The following ELMO3 variants were observed in gnomAD, a reference collection of about 807,000 sequenced individuals.
ELMO3 encodes engulfment and cell motility 3.
Under a neutral mutation model 89.0 loss-of-function variants are expected in ELMO3, and 81 were observed. That is an observed-to-expected ratio of 0.91 (90% CI 0.76 to 1.09). The LOEUF (loss-of-function observed/expected upper bound fraction) is 1.09, where lower values mean the gene tolerates loss of function less well. Among genes scored for constraint, ELMO3 ranks in the 50% least tolerant of loss-of-function variants. The pLI is 0.00. For synonymous variants in ELMO3, 406 were observed against 400.6 expected (o/e 1.01, Z -0.16); for missense variants, 959 against 972.8 (o/e 0.99, Z 0.19).
In ELMO3 at chr16:67,203,829, C is replaced by A; in HGVS notation, c.2115C>A (p.Pro705=). The A allele has an allele frequency of 6.2e-7, 1 of 1,604,954 alleles. No individual in the cohort carries two copies. The highest frequency in any genetic ancestry group is 1.1e-5 in the South Asian group (1 of 90,296). Reference sequence around the variant, plus strand: ...AGCGGCCACCCCCTGTGCCCCCACCCCCCACCAACTTCAACTTCTGCTATG... The same window carrying A: ...AGCGGCCACCCCCTGTGCCCCCACCACCCACCAACTTCAACTTCTGCTATG... ...IPERPPPVPP[P]PTNFNFCYDC... is the part of the protein sequence containing the mutation. The change falls in exon 20 of 20, where the codon CCC becomes CCA. Residue 705 remains proline (P), a synonymous_variant. Transcript: ENST00000393997. The surrounding 1 kb of genome is among the most constrained non-coding windows in gnomAD (Gnocchi z 4.6).
At position 67,199,155 on chromosome 16, in the gene ELMO3, A is replaced by T; in HGVS notation, c.-172A>T. ...CGGAACTAACCTCGGCTCCCTTGGG[A>T]AGGCCGCGTTGCATGGCCAGGAGCA... On this transcript the variant is annotated 5_prime_UTR_variant, in exon 1 of 20. Transcript: ENST00000393997. 6.2e-7 allele frequency: 1 copy of T among 1,606,080 alleles called. No homozygotes were observed. The highest frequency in any genetic ancestry group is 8.5e-7 in the Non-Finnish European group (1 of 1,178,576).
In ELMO3 at chr16:67,203,349, A is replaced by G. The variant is rs773931819; in HGVS notation, c.1803A>G (p.Ala601=). The change falls in exon 18 of 20, where the codon GCA becomes GCG. Residue 601 remains alanine (A), a synonymous_variant. Coordinates refer to ENST00000393997, the MANE Select transcript of ELMO3 (RefSeq NM_024712.5). The surrounding 1 kb of genome is among the most constrained non-coding windows in gnomAD (Gnocchi z 4.6). The stretch of plus-strand genomic sequence containing the variant: ...CAGTCCCTGTGGCCGACATGAGGGC[A>G]CTCCTGACAGGCAAGGACTGCCCCC... The part of the protein sequence containing the change: ...PEQLPVADMR[A]LLTGKDCPHV... 2.7e-5 allele frequency: 44 copies of G among 1,604,336 alleles called. No homozygotes were observed. The highest frequency in any genetic ancestry group is 2.2e-5 in the East Asian group (1 of 44,598).
rs745882640 is a variant in ELMO3 at position 67,199,761 on chromosome 16, G to C, written c.192+5G>C. The C allele has an allele frequency of 1.2e-6, 2 of 1,610,604 alleles. No homozygotes were observed. Among genetic ancestry groups the C allele is most frequent in the Admixed American group, 1.7e-5 (1 of 59,786 alleles). ...CGGAGATACATCACCGAGAATGTGA[G>C]TCCCCTCTCCCCAGCCCCAAGCTCG... On this transcript the variant is annotated splice_donor_5th_base_variant and intron_variant, in intron 3 of 19. Transcript: ENST00000393997.
chr16:67,199,193 G>A lies in ELMO3; in HGVS notation c.-134G>A, dbSNP rs1200827507. The A allele has an allele frequency of 5.6e-6, 9 of 1,610,880 alleles. No homozygotes were observed. The highest frequency in any genetic ancestry group is 6.8e-6 in the Non-Finnish European group (8 of 1,179,562). On this transcript the variant is annotated 5_prime_UTR_variant, in exon 1 of 20. Transcript: ENST00000393997. ...ATGGCCAGGAGCAGCAGTCTGGGCC[G>A]CGAGTGCGGGACACCGAGGTCAGGT...
At chr16:67,200,382 G>C (rs772442840) in intron 5 of ELMO3, 21 bp downstream of exon 5, 3 of 1,612,604 alleles carry the variant, frequency 1.9e-6, no homozygotes, top group Non-Finnish European at 2.5e-6. Flanking sequence ...GGATGTGTGG[G>C]CTGGGGGAGA....
At position 67,200,733 on chromosome 16, in the gene ELMO3, C is replaced by T; in HGVS notation, c.590C>T (p.Thr197Ile). The T allele has an allele frequency of 1.2e-6, 2 of 1,613,596 alleles. No individual in the cohort carries two copies. The highest frequency in any genetic ancestry group is 1.7e-6 in the Non-Finnish European group (2 of 1,179,980). ...PLALGLLESVTLSSPALGQLV... is the reference protein window; with the variant it reads ...PLALGLLESVILSSPALGQLV... ...GCCCTTGGGCTGCTGGAGAGTGTGA[C>T]CTTGAGCAGCCCAGCCCTGGGCCAG... The change falls in exon 7 of 20, where the codon ACC becomes ATC. Residue 197 changes from threonine (T) to isoleucine (I), a missense_variant. By Grantham distance (89) the Thr-to-Ile change is moderately conservative. Coordinates refer to ENST00000393997, the MANE Select transcript of ELMO3 (RefSeq NM_024712.5).
Position 67,199,386 on chromosome 16 carries a change from G to C in ELMO3, c.60G>C (p.Gln20His), listed in dbSNP as rs779302894. 5 of 1,607,144 alleles carry C rather than the reference G, an allele frequency of 3.1e-6. No individual in the cohort carries two copies. Among genetic ancestry groups the C allele is most frequent in the East Asian group, 2.2e-5 (1 of 44,846 alleles). Reference protein sequence around the residue: ...IAIKMRDAIPQLIQLDQAKPL... With the variant: ...IAIKMRDAIPHLIQLDQAKPL... ...TCAAGATGCGTGACGCCATCCCGCA[G>C]CTCATCCAGCTGGACCAGGTCACCC... The change falls in exon 1 of 20, where the codon CAG becomes CAC. Residue 20 changes from glutamine (Q) to histidine (H), a missense_variant. By Grantham distance (24) the Gln-to-His change is conservative (BLOSUM62 0). Transcript: ENST00000393997.
rs1275148809 is a variant in ELMO3, at chr16:67,203,059, G to A, written c.1675+55G>A. 6.3e-7 allele frequency: 1 copy of A among 1,597,222 alleles called. No individual in the cohort carries two copies. The highest frequency in any genetic ancestry group is 8.5e-7 in the Non-Finnish European group (1 of 1,174,250). On this transcript the variant is annotated intron_variant, in intron 16 of 19. Transcript: ENST00000393997. The surrounding 1 kb of genome is among the most constrained non-coding windows in gnomAD (Gnocchi z 4.6). ...AGGGCAGGCAGAGGGCAGGCAGAGG[G>A]CGGCTGGCTTGGTGTCAGGACCTCT...
Position 67,202,963 on chromosome 16 carries a change from A to AG in ELMO3, c.1638dup (p.Thr547AspfsTer14). 6.2e-7 allele frequency: 1 copy of AG among 1,608,780 alleles called. No homozygotes were observed. Among genetic ancestry groups the AG allele is most frequent in the Non-Finnish European group, 8.5e-7 (1 of 1,179,904 alleles). ...CAGCAGCGCTTGCTCCGCCTCTGTGAGGGGACGCTCTTCCGCAAGATCAGC... is the reference window on the plus strand; with the variant it reads ...CAGCAGCGCTTGCTCCGCCTCTGTGAGGGGGACGCTCTTCCGCAAGATCAGC... On this transcript the variant is annotated frameshift_variant, in exon 16 of 20. Transcript: ENST00000393997. LOFTEE classifies it high-confidence loss of function.
chr16:67,200,546 G>C lies in ELMO3; in HGVS notation c.509G>C (p.Arg170Thr), dbSNP rs1268730208. ...SWETLSIPFVRKVVCYVNMNL... is the reference protein window; with the variant it reads ...SWETLSIPFVTKVVCYVNMNL... ...GAGACTCTGAGCATCCCCTTTGTGAGGAAGGTGGGTGGGCTTTCCTAGGGC... is the reference window on the plus strand; with the variant it reads ...GAGACTCTGAGCATCCCCTTTGTGACGAAGGTGGGTGGGCTTTCCTAGGGC... Residue 170 changes from arginine (R) to threonine (T), a missense_variant, in exon 6 of 20, where the codon AGG (arginine) becomes ACG (threonine). Coordinates refer to ENST00000393997, the MANE Select transcript of ELMO3 (RefSeq NM_024712.5). The C allele has an allele frequency of 2.2e-5, 35 of 1,613,596 alleles. No homozygotes were observed. Among genetic ancestry groups the C allele is most frequent in the Non-Finnish European group, 2.9e-5 (34 of 1,179,944 alleles).
chr16:67,202,423 C>G lies in ELMO3; in HGVS notation c.1288C>G (p.Pro430Ala). ...PCSETAQDFS[P>A]MFFGQDQSFH... Reference sequence around the variant, plus strand: ...CTCTGAGACAGCCCAGGACTTCTCACCCATGTTCTTCGGCCAAGACCAGAG... The same window carrying G: ...CTCTGAGACAGCCCAGGACTTCTCAGCCATGTTCTTCGGCCAAGACCAGAG... Residue 430 changes from proline (P) to alanine (A), a missense_variant, in exon 14 of 20, where the codon CCC becomes GCC. Pro to Ala is a conservative substitution (Grantham distance 27, BLOSUM62 -1). Coordinates refer to ENST00000393997, the MANE Select transcript of ELMO3 (RefSeq NM_024712.5). 6.2e-7 allele frequency: 1 copy of G among 1,613,904 alleles called. No homozygotes were observed. Among genetic ancestry groups the G allele is most frequent in the Middle Eastern group, 1.6e-4 (1 of 6,062 alleles).
Position 67,202,904 on chromosome 16 carries a change from G to A in ELMO3, c.1575G>A (p.Glu525=), listed in dbSNP as rs2033156990. 1 of 1,612,564 alleles carries A rather than the reference G, an allele frequency of 6.2e-7. No homozygotes were observed. Among genetic ancestry groups the A allele is most frequent in the African/African-American group, 1.3e-5 (1 of 74,932 alleles). The change falls in exon 16 of 20, where the codon GAG becomes GAA. Residue 525 remains glutamate, a synonymous_variant. Coordinates refer to ENST00000393997, the MANE Select transcript of ELMO3 (RefSeq NM_024712.5). ...ACCCCTCTATCAGGGAGCTGCGGGA[G>A]AAGCTGAAGCCAGAGCTCATGGGCC... The part of the protein sequence containing the change: ...TLAPPILELR[E]KLKPELMGLI...
chr16:67,199,842 T>C (rs989899977), intron 3 of ELMO3, 86 bp downstream of exon 3: 1 of 1,602,860 alleles, frequency 6.2e-7, no homozygotes, highest in African/African-American at 1.3e-5. Context: ...TTCATCCCAC[T>C]ACCGGAGCGC....
rs1329489576 is a variant in ELMO3, at chr16:67,199,596, G to A, written c.119+3G>A. Reference sequence around the variant, plus strand: ...GTGCTGAAGGAGGTGTGCGACGCGTGAGTGCTGCCGGGCCAGGGCCTGCGG... The same window carrying A: ...GTGCTGAAGGAGGTGTGCGACGCGTAAGTGCTGCCGGGCCAGGGCCTGCGG... On this transcript the variant is annotated splice_donor_region_variant and intron_variant, in intron 2 of 19. Transcript: ENST00000393997. The A allele has an allele frequency of 6.2e-7, 1 of 1,609,620 alleles. No homozygotes were observed. Among genetic ancestry groups the A allele is most frequent in the Non-Finnish European group, 8.5e-7 (1 of 1,179,182 alleles).
Position 67,203,376 on chromosome 16 carries a change from T to G in ELMO3, c.1830T>G (p.His610Gln). ...TCCTGACAGGCAAGGACTGCCCCCATGTCCGGGAGAAGGGCTCCGGGAAGC... is the reference window on the plus strand; with the variant it reads ...TCCTGACAGGCAAGGACTGCCCCCAGGTCCGGGAGAAGGGCTCCGGGAAGC... ...RALLTGKDCP[H>Q]VREKGSGKQN... Residue 610 changes from histidine to glutamine, a missense_variant, in exon 18 of 20, where the codon CAT (histidine) becomes CAG (glutamine). Coordinates refer to ENST00000393997, the MANE Select transcript of ELMO3 (RefSeq NM_024712.5). This position sits in a 1 kb window ranked among gnomAD's most constrained non-coding sequence, Gnocchi z 4.6. The G allele has an allele frequency of 6.2e-7, 1 of 1,610,308 alleles. No individual in the cohort carries two copies.
At chr16:67,202,309 C>T (rs1304136921) in intron 13 of ELMO3, 25 bp downstream of exon 13, 1 of 1,613,090 alleles carries the variant, frequency 6.2e-7, no homozygotes, top group African/African-American at 1.3e-5. Context: ...CTGGGCACAG[C>T]ATGGCCAAGA....
rs1001899399 is a variant in ELMO3 at position 67,202,950 on chromosome 16, CTCCGCCTCTGTGAGGGGACGCTCT to C, written c.1627_1650del (p.Leu543_Arg550del). ...GGGCCTGATCCGCCAGCAGCGCTTG[CTCCGCCTCTGTGAGGGGACGCTCT>C]TCCGCAAGATCAGCAGCCGGCGGCG... On this transcript the variant is annotated inframe_deletion, in exon 16 of 20. Coordinates refer to ENST00000393997, the MANE Select transcript of ELMO3 (RefSeq NM_024712.5). 6.2e-7 allele frequency: 1 copy of C among 1,609,612 alleles called. No homozygotes were observed. The highest frequency in any genetic ancestry group is 8.5e-7 in the Non-Finnish European group (1 of 1,179,870).
Position 67,199,422 on chromosome 16 carries a change from G to A in ELMO3, c.78+18G>A, listed in dbSNP as rs759813190. The stretch of plus-strand genomic sequence containing the variant: ...TGGACCAGGTCACCCGGCTGGTCCC[G>A]CCTCCATCTGCCCCACTGCCCCACC... On this transcript the variant is annotated intron_variant, in intron 1 of 19. Coordinates refer to ENST00000393997, the MANE Select transcript of ELMO3 (RefSeq NM_024712.5). 4.4e-6 allele frequency: 7 copies of A among 1,601,786 alleles called. No individual in the cohort carries two copies. Among genetic ancestry groups the A allele is most frequent in the African/African-American group, 1.3e-5 (1 of 74,960 alleles).
chr16:67,202,102 G>T lies in ELMO3; in HGVS notation c.1152+24G>T. 3 of 1,611,080 alleles carry T rather than the reference G, an allele frequency of 1.9e-6. No individual in the cohort carries two copies. The South Asian group carries it at 3.3e-5, about 18-fold the overall frequency. ...GGGTCGGTGACAGGGTAGGGTGGGG[G>T]GGTGGCAGCATCCCCCAGGCAGGGT... On this transcript the variant is annotated intron_variant, in intron 12 of 19. Transcript: ENST00000393997.
Sources: allele counts gnomAD v4.1 joint callset, GRCh38; gene constraint gnomAD v4.1.1; non-coding constraint Gnocchi (gnomAD v3.1); transcripts MANE v1.5; gene names NCBI Gene and HGNC (gene_info 2026-07-23, HGNC 2026-07-21).